The following CHEK1 variants were observed in gnomAD, a reference collection of about 807,000 sequenced individuals.
CHEK1 encodes serine/threonine-protein kinase Chk1.
Under a neutral mutation model 60.2 loss-of-function variants are expected in CHEK1, and 32 were observed. The observed-to-expected ratio is 0.53, with a 90% CI of 0.40 to 0.71. CHEK1 has a LOEUF of 0.71. CHEK1 is among the 30% of genes least tolerant of loss of function. CHEK1 has a pLI of 0.00. For missense variants in CHEK1, 399 were observed against 564.6 expected (o/e 0.71, Z 2.97); for synonymous variants, 179 against 187.2 (o/e 0.96, Z 0.36).
Position 125,633,214 on chromosome 11 carries a change from A to T in CHEK1, c.476A>T (p.Asn159Ile), listed in dbSNP as rs907672030. 3 of 1,604,896 alleles carry T rather than the reference A, an allele frequency of 1.9e-6. No individual in the cohort carries two copies. ...FGLATVFRYN[N>I]RERLLNKMCG... Reference sequence around the variant, plus strand: ...TTGGCAACAGTATTTCGGTATAATAATCGTGAGCGTTTGTTGAACAAGATG... The same window carrying T: ...TTGGCAACAGTATTTCGGTATAATATTCGTGAGCGTTTGTTGAACAAGATG... The change falls in exon 6 of 13, where the codon AAT (asparagine) becomes ATT (isoleucine). Residue 159 changes from asparagine to isoleucine, a missense_variant. Coordinates refer to ENST00000438015, the MANE Select transcript of CHEK1 (RefSeq NM_001114122.3).
downstream of CHEK1, among the ~76,000 whole-genome samples, chr11:125,677,442 G>C (rs1335518837): frequency 2.0e-5 from 3 of 152,216 alleles, no homozygotes; most frequent in Non-Finnish European, 4.4e-5. Flanking sequence ...GGCAGGGTTA[G>C]CATAAAGCTA....
At position 125,653,740 on chromosome 11, in the gene CHEK1, C is replaced by T; in HGVS notation, c.1234-6C>T. The T allele has an allele frequency of 6.7e-7, 1 of 1,489,972 alleles. No individual in the cohort carries two copies. 92.3% of individuals were successfully genotyped at this position (1,489,972 alleles called of 1,614,324 possible). A position where few individuals can be genotyped will look rare whatever the true frequency, so the allele number is the denominator to read the frequency against. The stretch of plus-strand genomic sequence containing the variant: ...ATGTGGCTTAACCTTATTTTTGTTG[C>T]CTTAGGTTACTATATCAACAACTGA... On this transcript the variant is annotated splice_polypyrimidine_tract_variant and splice_region_variant and intron_variant, in intron 11 of 12. Transcript: ENST00000438015. This position sits in a 1 kb window ranked among gnomAD's most constrained non-coding sequence, Gnocchi z 4.3.
downstream of CHEK1, among the ~76,000 whole-genome samples, chr11:125,658,833 T>C (rs1459779764): frequency 1.3e-5 from 2 of 151,790 alleles, no homozygotes; most frequent in Admixed American, 6.6e-5. Flanking sequence ...ACTATAGCCA[T>C]GCACCACCAT....
downstream of CHEK1, chr11:125,681,034 TAGTGTGTTGGGG>T: frequency 2.9e-6 from 1 of 343,856 alleles, no homozygotes; most frequent in Non-Finnish European, 5.2e-6. This position sits in a 1 kb window ranked among gnomAD's most constrained non-coding sequence, Gnocchi z 4.2. Context: ...GTGTGCAGGG[TAGTGTGTTGGGG>T]CTATCTGCCC....
rs779205340 is a variant in CHEK1, at chr11:125,625,774, T to C, written c.-259T>C. The stretch of plus-strand genomic sequence containing the variant: ...CAATTCGCGCCGATGCGGTCCGCCG[T>C]CCTTAAATCTCTTCAGCCAGGATCT... On this transcript the variant is annotated 5_prime_UTR_variant, in exon 1 of 13. Transcript: ENST00000438015. 30 of 690,222 alleles carry C rather than the reference T, an allele frequency of 4.3e-5. No individual in the cohort carries two copies. The highest frequency in any genetic ancestry group is 4.3e-4 in the South Asian group (29 of 67,426). The allele number at this position is 690,222 out of a possible 1,614,324, so 42.8% of individuals were successfully genotyped here.
At chr11:125,670,561 T>C (rs955874337) in intron 13 of CHEK1, among the ~76,000 whole-genome samples, 1 of 152,186 alleles carries the variant, frequency 6.6e-6, no homozygotes, top group African/African-American at 2.4e-5. Flanking sequence ...TCAGATGTTA[T>C]TGTTTTTGAG....
At chr11:125,630,310 T>G (rs1034891640) in intron 5 of CHEK1, among the ~76,000 whole-genome samples, 1 of 147,768 alleles carries the variant, frequency 6.8e-6, no homozygotes, top group Non-Finnish European at 1.5e-5. Flanking sequence ...TAACAAATGG[T>G]CAGCTTTTTT....
chr11:125,680,793 A>G, downstream of CHEK1: 1 of 1,613,132 alleles, frequency 6.2e-7, no homozygotes, highest in Non-Finnish European at 8.5e-7. Flanking sequence ...GGATTTAGGA[A>G]AAGAGGGGAC....
At chr11:125,631,012 T>C (rs997154601) in intron 5 of CHEK1, among the ~76,000 whole-genome samples, 1 of 152,220 alleles carries the variant, frequency 6.6e-6, no homozygotes, top group African/African-American at 2.4e-5. Context: ...TATGGTCTGA[T>C]TCTGTTTATA....
In CHEK1 at chr11:125,625,668, C is replaced by T; in HGVS notation, c.-365C>T. Reference sequence around the variant, plus strand: ...GTCGCGCGCCCCTGAGGCTTGGAGGCCTGGGCTTCCCCCAGCAGCGCTCGA... The same window carrying T: ...GTCGCGCGCCCCTGAGGCTTGGAGGTCTGGGCTTCCCCCAGCAGCGCTCGA... On this transcript the variant is annotated 5_prime_UTR_variant, in exon 1 of 13. Transcript: ENST00000438015. 1.6e-6 allele frequency: 1 copy of T among 609,174 alleles called. No homozygotes were observed. Among genetic ancestry groups the T allele is most frequent in the Non-Finnish European group, 3.0e-6 (1 of 337,458 alleles). 37.7% of individuals were successfully genotyped at this position (609,174 alleles called of 1,614,324 possible).
intron 13 of CHEK1, among the ~76,000 whole-genome samples, chr11:125,670,296 T>C (rs1809381702): frequency 6.6e-6 from 1 of 152,232 alleles, no homozygotes; most frequent in Non-Finnish European, 1.5e-5. Context: ...ATTGCCTTTG[T>C]TCACTTTGTT....
At chr11:125,626,423 A>G (rs1940610863) in intron 1 of CHEK1, 3 of 437,934 alleles carry the variant, frequency 6.9e-6, no homozygotes, top group South Asian at 7.2e-5. Flanking sequence ...CCAGACCCCC[A>G]CCTCTCCCTC....
chr11:125,643,476 G>T, intron 8 of CHEK1: 1 of 186,234 alleles, frequency 5.4e-6, no homozygotes, highest in Non-Finnish European at 1.1e-5. Flanking sequence ...CTGGGTGACA[G>T]AGCGAGACTC....
At chr11:125,657,168 T>G, downstream of CHEK1, 1 of 164,390 alleles carries the variant, frequency 6.1e-6, no homozygotes, top group Non-Finnish European at 1.3e-5. Flanking sequence ...CAAATTTTGA[T>G]GGAAAAATCA....
intron 3 of CHEK1, 36 bp downstream of exon 3, chr11:125,627,866 GT>G (rs1389669564): frequency 6.9e-7 from 1 of 1,441,004 alleles, no homozygotes; most frequent in Non-Finnish European, 9.3e-7. Context: ...TTTTAAACAA[GT>G]TTTTAAATTT....
chr11:125,641,312 C>G (rs1941296395), intron 8 of CHEK1, among the ~76,000 whole-genome samples: 1 of 152,122 alleles, frequency 6.6e-6, no homozygotes, highest in Non-Finnish European at 1.5e-5. Flanking sequence ...ACTGGTCGCT[C>G]TTTTCAGTCT....
Position 125,655,551 on chromosome 11 carries a change from G to C in CHEK1, c.*231G>C. On this transcript the variant is annotated 3_prime_UTR_variant, in exon 13 of 13. Transcript: ENST00000438015. The stretch of plus-strand genomic sequence containing the variant: ...GGGAAAGGATGAATAGAATTCATTT[G>C]ATTATTTCTTCATGTGTGTTTAGTA... The C allele has an allele frequency of 2.8e-6, 1 of 353,478 alleles. No individual in the cohort carries two copies. The highest frequency in any genetic ancestry group is 5.1e-6 in the Non-Finnish European group (1 of 197,908). The allele number at this position is 353,478 out of a possible 1,614,324, so 21.9% of individuals were successfully genotyped here.
At position 125,626,277 on chromosome 11, in the gene CHEK1, G is replaced by T. The variant is rs1234833160; in HGVS notation, c.-21+265G>T. 3.9e-5 allele frequency: 20 copies of T among 514,860 alleles called. No individual in the cohort carries two copies. The South Asian group carries it at 5.6e-4, about 14-fold the overall frequency. 31.9% of individuals were successfully genotyped at this position (514,860 alleles called of 1,614,324 possible). A position where few individuals can be genotyped will look rare whatever the true frequency, so the allele number is the denominator to read the frequency against. ...GCCCTTCCTTTCGCCTCTGGGGGCA[G>T]TTTGGCCCCGCCCCGGCCTTTGGGA... is the stretch of plus-strand genomic sequence containing the variant. On this transcript the variant is annotated intron_variant, in intron 1 of 12. Coordinates refer to ENST00000438015, the MANE Select transcript of CHEK1 (RefSeq NM_001114122.3).
intron 5 of CHEK1, among the ~76,000 whole-genome samples, chr11:125,631,987 C>G (rs1371110458): frequency 2.6e-5 from 4 of 151,744 alleles, no homozygotes; most frequent in African/African-American, 4.8e-5. Flanking sequence ...AAATCAGTCC[C>G]CTATTTTGAG....
Sources: gnomAD v4.1 joint callset for allele counts (sites outside exome capture counted in the v4.1 genomes callset) on GRCh38, gnomAD v4.1.1 for gene constraint, Gnocchi (gnomAD v3.1) non-coding constraint, MANE v1.5 for transcripts, NCBI Gene and HGNC (gene_info 2026-07-23, HGNC 2026-07-21) for gene names.